Variants in ACSM2A observed in about 807,000 individuals in gnomAD.
The protein encoded by ACSM2A is acyl-CoA synthetase medium chain family member 2A, also known as acyl-coenzyme A synthetase ACSM2A, mitochondrial.
A neutral mutation model predicts 76.6 loss-of-function variants in ACSM2A; 72 were observed. The observed-to-expected ratio is 0.94, with a 90% CI of 0.78 to 1.14. The LOEUF is 1.14. Among genes scored for constraint, ACSM2A ranks in the 50% most tolerant of loss-of-function variants. The probability of loss-of-function intolerance (pLI) is 0.00; values close to 1 mark genes in which losing one functional copy is unlikely to be tolerated. For missense variants in ACSM2A, 684 were observed against 708.5 expected (o/e 0.97, Z 0.39); for synonymous variants, 249 against 255.9 (o/e 0.97, Z 0.26).
intron 1 of ACSM2A, among the ~76,000 whole-genome samples, chr16:20,459,379 C>G (rs1234184648): frequency 6.6e-6 from 1 of 152,188 alleles, no homozygotes; most frequent in Non-Finnish European, 1.5e-5. Flanking sequence ...AGTCCAGATT[C>G]ACTTTAAAGA....
Position 20,486,827 on chromosome 16 carries a change from A to T in ACSM2A, c.*149A>T. 1.1e-6 allele frequency: 1 copy of T among 932,778 alleles called. No individual in the cohort carries two copies. The highest frequency in any genetic ancestry group is 2.5e-5 in the East Asian group (1 of 40,276). 57.8% of individuals were successfully genotyped at this position (932,778 alleles called of 1,614,324 possible). A position where few individuals can be genotyped will look rare whatever the true frequency, so the allele number is the denominator to read the frequency against. ...GCCTTGGTTATTAGCACAAAACTTT[A>T]CCATGTTAGATGTTGAAAGAAGAAA... On this transcript the variant is annotated 3_prime_UTR_variant, in exon 14 of 14. Transcript: ENST00000573854.
intron 8 of ACSM2A, 69 bp downstream of exon 8, chr16:20,475,842 A>C: frequency 6.3e-7 from 1 of 1,597,932 alleles, no homozygotes; most frequent in Non-Finnish European, 8.5e-7. Flanking sequence ...TTGACAATAA[A>C]AATTGTTAGC....
At chr16:20,479,683 C>G (rs2013973841) in intron 10 of ACSM2A, among the ~76,000 whole-genome samples, 2 of 152,214 alleles carry the variant, frequency 1.3e-5, no homozygotes, top group African/African-American at 4.8e-5. Context: ...TGTGGTCCCA[C>G]TCTATTCTCA....
chr16:20,474,792 T>G (rs750542399), intron 6 of ACSM2A, among the ~76,000 whole-genome samples: 2 of 152,202 alleles, frequency 1.3e-5, no homozygotes, highest in Non-Finnish European at 2.9e-5. Flanking sequence ...GAGGTTATTG[T>G]AAAAATTAAA....
intron 8 of ACSM2A, chr16:20,476,861 A>T: frequency 3.7e-6 from 1 of 272,688 alleles, no homozygotes. Flanking sequence ...GAGATACTTT[A>T]AAAAGTATAT....
intron 2 of ACSM2A, among the ~76,000 whole-genome samples, chr16:20,462,982 C>CA (rs1287476974): frequency 4.7e-5 from 7 of 147,990 alleles, no homozygotes; most frequent in Non-Finnish European, 1.0e-4. Context: ...ATCGCAAGGA[C>CA]AAAAAAACCA....
At chr16:20,466,476 G>A (rs1505095) in intron 3 of ACSM2A, among the ~76,000 whole-genome samples, 51,324 of 150,628 alleles carry the variant, frequency 0.34, 7,156 homozygotes, top group East Asian at 0.56. Flanking sequence ...TAGGAGTTGT[G>A]GTAGAGAAGA....
At chr16:20,461,895 G>C (rs540035340) in intron 2 of ACSM2A, among the ~76,000 whole-genome samples, 3 of 152,272 alleles carry the variant, frequency 2.0e-5, no homozygotes, top group African/African-American at 7.2e-5. Flanking sequence ...TCAGAGACTA[G>C]GGTTTTCAAA....
At chr16:20,480,204 C>T (rs1307847419) in intron 10 of ACSM2A, among the ~76,000 whole-genome samples, 1 of 152,136 alleles carries the variant, frequency 6.6e-6, no homozygotes, top group Non-Finnish European at 1.5e-5. Flanking sequence ...AAGAAAATTA[C>T]CTAATCAAAA....
At chr16:20,479,763 C>T (rs2013978637) in intron 10 of ACSM2A, among the ~76,000 whole-genome samples, 1 of 152,192 alleles carries the variant, frequency 6.6e-6, no homozygotes, top group South Asian at 2.1e-4. Context: ...TCAGAAGCGT[C>T]TGTGGGGCAG....
intron 6 of ACSM2A, among the ~76,000 whole-genome samples, chr16:20,474,781 T>C (rs988362118): frequency 6.6e-6 from 1 of 152,126 alleles, no homozygotes; most frequent in African/African-American, 2.4e-5. Flanking sequence ...ACACACTCCG[T>C]GAGGTTATTG....
chr16:20,469,098 A>G (rs990974654), intron 3 of ACSM2A, among the ~76,000 whole-genome samples: 9 of 152,174 alleles, frequency 5.9e-5, no homozygotes, highest in African/African-American at 9.7e-5. Context: ...AATTGCCAGG[A>G]CCTAGAGCTA....
intron 3 of ACSM2A, among the ~76,000 whole-genome samples, chr16:20,467,745 G>A (rs1394252735): frequency 6.6e-6 from 1 of 152,178 alleles, no homozygotes; most frequent in Admixed American, 6.5e-5. Context: ...AGTCCAGGAT[G>A]TCCATGTGAT....
rs374789293 is a variant in ACSM2A, at chr16:20,480,796, T to C, written c.1410-26T>C. 3,172 of 1,613,884 alleles carry C rather than the reference T, an allele frequency of 2.0e-3. 5 individuals are homozygous for C. The highest frequency in any genetic ancestry group is 2.5e-3 in the Non-Finnish European group (2,986 of 1,179,832). Reference sequence around the variant, plus strand: ...GGCCTAGAGGTTCGGTGTCCAGTGTTCTCTGAAGGACAGGTTCTTCTGCAG... The same window carrying C: ...GGCCTAGAGGTTCGGTGTCCAGTGTCCTCTGAAGGACAGGTTCTTCTGCAG... On this transcript the variant is annotated intron_variant, in intron 11 of 13. Transcript: ENST00000573854.
intron 2 of ACSM2A, among the ~76,000 whole-genome samples, chr16:20,461,794 GT>G (rs997250559): frequency 2.6e-5 from 4 of 152,100 alleles, no homozygotes; most frequent in African/African-American, 4.8e-5. Flanking sequence ...ACAAAAGGTT[GT>G]TTTTTTCTTT....
chr16:20,475,989 T>C (rs1237313467), intron 8 of ACSM2A: 3 of 1,228,462 alleles, frequency 2.4e-6, no homozygotes, highest in Non-Finnish European at 3.2e-6. Context: ...CAGTGAGATT[T>C]GGGGAGAGAG....
chr16:20,473,146 A>G (rs2013520325), intron 6 of ACSM2A, among the ~76,000 whole-genome samples: 1 of 152,154 alleles, frequency 6.6e-6, no homozygotes, highest in African/African-American at 2.4e-5. Flanking sequence ...CCATCCAGAC[A>G]TCTATTTGGC....
intron 3 of ACSM2A, among the ~76,000 whole-genome samples, chr16:20,467,002 A>G (rs2013039121): frequency 2.6e-5 from 4 of 152,192 alleles, no homozygotes; most frequent in East Asian, 1.9e-4. Context: ...TATAAGTTAG[A>G]TTTCTCCCAT....
intron 3 of ACSM2A, among the ~76,000 whole-genome samples, chr16:20,466,055 A>G (rs1239518534): frequency 3.9e-5 from 6 of 152,146 alleles, no homozygotes; most frequent in Non-Finnish European, 8.8e-5. Context: ...ATCTATAAAA[A>G]TAAATTTGGC....
Sources: allele counts gnomAD v4.1 joint callset (sites outside exome capture counted in the v4.1 genomes callset), GRCh38; gene constraint gnomAD v4.1.1; transcripts MANE v1.5; gene names NCBI Gene and HGNC (gene_info 2026-07-23, HGNC 2026-07-21).